The following LRFN2 variants were observed in gnomAD, a reference collection of about 807,000 sequenced individuals.
LRFN2 encodes leucine rich repeat and fibronectin type III domain containing 2.
LRFN2 carries 18 observed loss-of-function variants against 37.3 expected under a neutral mutation model. The observed-to-expected ratio is 0.48, with a 90% CI of 0.33 to 0.72. LRFN2 has a LOEUF of 0.72. LRFN2 is among the 30% of genes least tolerant of loss of function. The pLI, the probability that LRFN2 is intolerant of heterozygous loss-of-function variation, is 0.02. For synonymous variants in LRFN2, 556 were observed against 466.6 expected, an observed-to-expected ratio of 1.19 and a Z score of -2.47; for missense variants, 1,006 against 1,060.7, an observed-to-expected ratio of 0.95 and a Z score of 0.72.
chr6:40,494,304 G>A (rs1054904804), intron 1 of LRFN2, among the ~76,000 whole-genome samples: 3 of 152,146 alleles, frequency 2.0e-5, no homozygotes, highest in African/African-American at 4.8e-5. Flanking sequence ...GCCATGGAAG[G>A]TTCCTTGGAG....
intron 1 of LRFN2, among the ~76,000 whole-genome samples, chr6:40,442,445 G>A (rs1456737936): frequency 1.3e-5 from 2 of 152,210 alleles, no homozygotes; most frequent in Non-Finnish European, 2.9e-5. Context: ...AGACTTGACA[G>A]TTACTGCAGG....
intron 1 of LRFN2, among the ~76,000 whole-genome samples, chr6:40,522,607 G>A (rs1388084566): frequency 6.6e-6 from 1 of 152,164 alleles, no homozygotes; most frequent in Non-Finnish European, 1.5e-5. Context: ...GATGGAACCA[G>A]CAAGCAGGGG....
chr6:40,540,214 C>A (rs1766527471), intron 1 of LRFN2, among the ~76,000 whole-genome samples: 1 of 152,166 alleles, frequency 6.6e-6, no homozygotes, highest in Non-Finnish European at 1.5e-5. Context: ...AAATACTACT[C>A]AAAGTGTCAC....
At chr6:40,422,612 G>A (rs1561847543) in intron 2 of LRFN2, among the ~76,000 whole-genome samples, 1 of 152,148 alleles carries the variant, frequency 6.6e-6, no homozygotes, top group Non-Finnish European at 1.5e-5. Flanking sequence ...GCTGGGTTCT[G>A]TGAATACGCA....
chr6:40,526,221 G>A (rs151310035), intron 1 of LRFN2, among the ~76,000 whole-genome samples: 22 of 152,328 alleles, frequency 1.4e-4, no homozygotes, highest in African/African-American at 3.6e-4. Flanking sequence ...TCCAGCCAGC[G>A]TGCTCCGCAG....
intron 1 of LRFN2, among the ~76,000 whole-genome samples, chr6:40,435,086 G>GAGAC (rs1299037536): frequency 2.3e-5 from 3 of 131,730 alleles, no homozygotes; most frequent in Non-Finnish European, 4.8e-5. Context: ...GAGAGAGAGA[G>GAGAC]AGAGACAGAG....
intron 1 of LRFN2, among the ~76,000 whole-genome samples, chr6:40,553,111 C>G (rs182700433): frequency 6.6e-6 from 1 of 152,298 alleles, no homozygotes; most frequent in Admixed American, 6.5e-5. Flanking sequence ...TCCGCTCTGC[C>G]TGCCAGGTGG....
At chr6:40,469,237 G>C (rs981463695) in intron 1 of LRFN2, among the ~76,000 whole-genome samples, 1 of 152,166 alleles carries the variant, frequency 6.6e-6, no homozygotes, top group African/African-American at 2.4e-5. Flanking sequence ...GGCAAGGAAG[G>C]CTTCTCCCCT....
At chr6:40,486,486 T>G (rs1416506042) in intron 1 of LRFN2, among the ~76,000 whole-genome samples, 1 of 152,068 alleles carries the variant, frequency 6.6e-6, no homozygotes, top group Non-Finnish European at 1.5e-5. Context: ...CTTTCAGGGT[T>G]ATGATGGGCT....
chr6:40,538,653 C>G (rs182768728), intron 1 of LRFN2, among the ~76,000 whole-genome samples: 65 of 152,364 alleles, frequency 4.3e-4, no homozygotes, highest in African/African-American at 1.4e-3. Context: ...GGCACCTCCC[C>G]GGGGCTATCC....
At chr6:40,437,340 G>T (rs1212912933) in intron 1 of LRFN2, among the ~76,000 whole-genome samples, 4 of 152,092 alleles carry the variant, frequency 2.6e-5, no homozygotes, top group Non-Finnish European at 4.4e-5. Context: ...TCTACCCTTG[G>T]CTGTGTTGCC....
chr6:40,452,815 C>A (rs886569633), intron 1 of LRFN2, among the ~76,000 whole-genome samples: 4 of 151,778 alleles, frequency 2.6e-5, no homozygotes, highest in African/African-American at 7.3e-5. Context: ...GAAGGTCACA[C>A]AAAGAGAGAG....
chr6:40,569,652 C>A (rs761904256), intron 1 of LRFN2, among the ~76,000 whole-genome samples: 1 of 152,164 alleles, frequency 6.6e-6, no homozygotes, highest in Non-Finnish European at 1.5e-5. Context: ...AAGTCATCTG[C>A]CTGGTTCAAG....
At chr6:40,457,521 C>T (rs566181031) in intron 1 of LRFN2, among the ~76,000 whole-genome samples, 1 of 151,676 alleles carries the variant, frequency 6.6e-6, no homozygotes, top group Non-Finnish European at 1.5e-5. Flanking sequence ...ACCTGTAATC[C>T]CAGCACCTTG....
At chr6:40,470,433 A>G (rs1426205141) in intron 1 of LRFN2, among the ~76,000 whole-genome samples, 2 of 152,192 alleles carry the variant, frequency 1.3e-5, no homozygotes, top group Non-Finnish European at 2.9e-5. Context: ...AACATGGTGA[A>G]ACCCCTTCTT....
chr6:40,497,497 A>C (rs1284235325), intron 1 of LRFN2, among the ~76,000 whole-genome samples: 1 of 152,184 alleles, frequency 6.6e-6, no homozygotes, highest in Non-Finnish European at 1.5e-5. Flanking sequence ...GGAGTCATAT[A>C]AGCACTCTGT....
intron 1 of LRFN2, among the ~76,000 whole-genome samples, chr6:40,469,338 C>A (rs1764544080): frequency 6.6e-6 from 1 of 152,128 alleles, no homozygotes; most frequent in Admixed American, 6.5e-5. Context: ...TTGGCTTAAG[C>A]CATCCAGCCA....
At chr6:40,527,226 C>G (rs9471364) in intron 1 of LRFN2, among the ~76,000 whole-genome samples, 72,483 of 152,144 alleles carry the variant, frequency 0.48, 17,467 homozygotes, top group South Asian at 0.58. Flanking sequence ...GAGCTGCAGA[C>G]AGCCTGAGCC....
At chr6:40,497,867 G>A (rs1351804513) in intron 1 of LRFN2, among the ~76,000 whole-genome samples, 2 of 152,208 alleles carry the variant, frequency 1.3e-5, no homozygotes, top group Admixed American at 6.5e-5. Context: ...GCACACAGGG[G>A]ATTCTTAGAA....
Sources: gnomAD v4.1 joint callset for allele counts (sites outside exome capture counted in the v4.1 genomes callset) on GRCh38, gnomAD v4.1.1 for gene constraint, MANE v1.5 for transcripts, NCBI Gene and HGNC (gene_info 2026-07-23, HGNC 2026-07-21) for gene names.